ZC3H3: variants seen among roughly 807,000 people sequenced by gnomAD.
The protein encoded by ZC3H3 is zinc finger CCCH domain-containing protein 3.
In ZC3H3, 36 loss-of-function variants were observed where a neutral mutation model predicts 77.3. That is an observed-to-expected ratio of 0.47 (90% CI 0.36 to 0.61). The LOEUF is 0.61. Among genes scored for constraint, ZC3H3 ranks in the 20% least tolerant of loss-of-function variants. The probability of loss-of-function intolerance (pLI) is 0.00; values close to 1 mark genes in which losing one functional copy is unlikely to be tolerated. For synonymous variants in ZC3H3, 626 were observed against 555.2 expected, an observed-to-expected ratio of 1.13 and a Z score of -1.79; for missense variants, 1,331 against 1,312.2, an observed-to-expected ratio of 1.01 and a Z score of -0.22.
At chr8:143,456,176 G>A (rs1337104453) in intron 9 of ZC3H3, among the ~76,000 whole-genome samples, 1 of 151,690 alleles carries the variant, frequency 6.6e-6, no homozygotes, top group Non-Finnish European at 1.5e-5. Flanking sequence ...AACACTATAA[G>A]TAAATCAAAT....
chr8:143,528,522 C>T (rs539522641), intron 3 of ZC3H3, among the ~76,000 whole-genome samples: 2 of 152,328 alleles, frequency 1.3e-5, no homozygotes, highest in African/African-American at 4.8e-5. Context: ...GAGGTTACGG[C>T]GAGGATGGCA....
At chr8:143,531,352 A>T (rs1473421397) in intron 3 of ZC3H3, among the ~76,000 whole-genome samples, 1 of 152,182 alleles carries the variant, frequency 6.6e-6, no homozygotes, top group African/African-American at 2.4e-5. Flanking sequence ...CACTGACAGC[A>T]GAGGAAGAGA....
chr8:143,511,275 T>C (rs1436371204), intron 3 of ZC3H3, among the ~76,000 whole-genome samples: 1 of 152,212 alleles, frequency 6.6e-6, no homozygotes, highest in Non-Finnish European at 1.5e-5. Flanking sequence ...AGCCTGGCCC[T>C]GCCCACCCGG....
At chr8:143,504,382 G>A (rs1190668771) in intron 4 of ZC3H3, among the ~76,000 whole-genome samples, 1 of 152,218 alleles carries the variant, frequency 6.6e-6, no homozygotes, top group East Asian at 1.9e-4. Context: ...CAAGGTGAGG[G>A]CTGTTGTCAG....
At chr8:143,511,216 GCGGCCGCTGAGGCTGGGCC>G (rs1475945840) in intron 3 of ZC3H3, among the ~76,000 whole-genome samples, 7 of 152,148 alleles carry the variant, frequency 4.6e-5, no homozygotes, top group African/African-American at 1.7e-4. Flanking sequence ...CATCAGGAGG[GCGGCCGCTGAGGCTGGGCC>G]CGGCCATCAG....
At chr8:143,455,834 G>C (rs761040038) in intron 9 of ZC3H3, among the ~76,000 whole-genome samples, 2 of 151,778 alleles carry the variant, frequency 1.3e-5, no homozygotes, top group African/African-American at 4.8e-5. Context: ...TTAGTCAGGC[G>C]TGGTGGTACA....
intron 3 of ZC3H3, among the ~76,000 whole-genome samples, chr8:143,526,895 C>G (rs1265900335): frequency 2.0e-5 from 3 of 152,136 alleles, no homozygotes; most frequent in Admixed American, 6.5e-5. Context: ...GTGGGAGAAC[C>G]GAGAGCTGGT....
chr8:143,465,823 T>A lies in ZC3H3; in HGVS notation c.2201A>T (p.Lys734Met). The A allele has an allele frequency of 6.2e-7, 1 of 1,612,904 alleles. No homozygotes were observed. Among genetic ancestry groups the A allele is most frequent in the Non-Finnish European group, 8.5e-7 (1 of 1,179,960 alleles). Residue 734 changes from lysine (K) to methionine (M), a missense_variant, in exon 9 of 12, where the codon AAG (lysine) becomes ATG (methionine). Coordinates refer to ENST00000262577, the MANE Select transcript of ZC3H3 (RefSeq NM_015117.3). The part of the protein sequence containing the change: ...EKMPVCSYFL[K>M]GICSNSNCPY... ...ACAGTTGCTGTTGCTGCAGATGCCC[T>A]TCAGGAAGTAGGAGCACACCGGCAT...
chr8:143,532,386 C>T (rs1028822356), intron 3 of ZC3H3, among the ~76,000 whole-genome samples: 7 of 152,270 alleles, frequency 4.6e-5, no homozygotes, highest in Admixed American at 2.0e-4. Flanking sequence ...TGCATAAGTC[C>T]ACAGGGCAGT....
rs35759992 is a variant in ZC3H3, at chr8:143,440,216, T to TGAGGAGGAG, written c.2631_2639dup (p.Ser879_Ser881dup). ...CGTGGTCCAAGGAAGCGGGAGGGGA[T>TGAGGAGGAG]GAGGAGGAGGAGGAGGAGGAGGAAG... On this transcript the variant is annotated inframe_insertion, in exon 11 of 12. Coordinates refer to ENST00000262577, the MANE Select transcript of ZC3H3 (RefSeq NM_015117.3). 31 of 1,568,296 alleles carry TGAGGAGGAG rather than the reference T, an allele frequency of 2.0e-5. No homozygotes were observed. Among genetic ancestry groups the TGAGGAGGAG allele is most frequent in the South Asian group, 1.8e-4 (16 of 88,690 alleles).
chr8:143,465,985 C>A, intron 8 of ZC3H3, 137 bp from the exon 9 acceptor site: 1 of 1,270,204 alleles, frequency 7.9e-7, no homozygotes, highest in Non-Finnish European at 1.1e-6. Context: ...GGGCAGCCAC[C>A]ACGACCTGCG....
chr8:143,438,144 C>T, intron 11 of ZC3H3, 57 bp from the exon 12 acceptor site: 5 of 1,575,432 alleles, frequency 3.2e-6, no homozygotes, highest in Non-Finnish European at 1.7e-6. Flanking sequence ...ACCTCCCCAG[C>T]CTGCAAAGCT....
At position 143,537,895 on chromosome 8, in the gene ZC3H3, T is replaced by C. The variant is rs562242268; in HGVS notation, c.1364+108A>G. The C allele has an allele frequency of 1.5e-5, 17 of 1,157,832 alleles. No homozygotes were observed. The South Asian group carries it at 1.8e-4, about 12-fold the overall frequency. 71.7% of individuals were successfully genotyped at this position (1,157,832 alleles called of 1,614,324 possible). ...CCTGCCTCATTTCTTGCTGGAAATGTGAACGCAACTGCAGGCAAAGCTCCG... is the reference window on the plus strand; with the variant it reads ...CCTGCCTCATTTCTTGCTGGAAATGCGAACGCAACTGCAGGCAAAGCTCCG... On this transcript the variant is annotated intron_variant, in intron 2 of 11. Coordinates refer to ENST00000262577, the MANE Select transcript of ZC3H3 (RefSeq NM_015117.3).
chr8:143,525,105 C>A (rs2130478188), intron 3 of ZC3H3, among the ~76,000 whole-genome samples: 1 of 56,170 alleles, frequency 1.8e-5, no homozygotes, highest in African/African-American at 5.4e-5. Flanking sequence ...AAGGCCCAGG[C>A]CAGGCAGAGT....
intron 8 of ZC3H3, among the ~76,000 whole-genome samples, chr8:143,466,441 G>A (rs886690386): frequency 3.3e-5 from 5 of 152,224 alleles, no homozygotes; most frequent in African/African-American, 1.2e-4. Flanking sequence ...GTCCAGCAGC[G>A]TCTTCCTCCC....
At chr8:143,459,054 A>T (rs1820191935) in intron 9 of ZC3H3, among the ~76,000 whole-genome samples, 1 of 152,252 alleles carries the variant, frequency 6.6e-6, no homozygotes, top group African/African-American at 2.4e-5. Flanking sequence ...AACATTTAAA[A>T]GAAGAATCAA....
At chr8:143,439,992 T>A (rs772045065) in intron 11 of ZC3H3, 49 bp downstream of exon 11, 45 of 1,423,494 alleles carry the variant, frequency 3.2e-5, no homozygotes, top group Non-Finnish European at 4.0e-5. Context: ...CCTACCTGAA[T>A]CCTTGGTGAG....
intron 4 of ZC3H3, among the ~76,000 whole-genome samples, chr8:143,500,936 C>T (rs1208851462): frequency 6.6e-6 from 1 of 151,862 alleles, no homozygotes; most frequent in Non-Finnish European, 1.5e-5. Flanking sequence ...CCTCAGCCTC[C>T]CAAGTAACTG....
chr8:143,502,249 G>A (rs1212513169), intron 4 of ZC3H3, among the ~76,000 whole-genome samples: 1 of 152,234 alleles, frequency 6.6e-6, no homozygotes, highest in Non-Finnish European at 1.5e-5. Flanking sequence ...GGCCCCAGCC[G>A]ACGAAGACAG....
Sources: gnomAD v4.1 joint callset for allele counts (sites outside exome capture counted in the v4.1 genomes callset) on GRCh38, gnomAD v4.1.1 for gene constraint, MANE v1.5 for transcripts, NCBI Gene and HGNC (gene_info 2026-07-23, HGNC 2026-07-21) for gene names.